ARHGAP10: variants seen among roughly 807,000 people sequenced by gnomAD.
The protein encoded by ARHGAP10 is Rho GTPase activating protein 10.
In ARHGAP10, 87 loss-of-function variants were observed where a neutral mutation model predicts 108.6. The ratio of observed to expected loss-of-function variants is 0.80; its 90% CI spans 0.67 to 0.96. The LOEUF (loss-of-function observed/expected upper bound fraction) is 0.96. Among genes scored for constraint, ARHGAP10 ranks in the 40% least tolerant of loss-of-function variants. The pLI is 0.00. For synonymous variants in ARHGAP10, 347 were observed against 341.1 expected (o/e 1.02, Z -0.19); for missense variants, 939 against 954.5 (o/e 0.98, Z 0.21).
At position 147,964,980 on chromosome 4, in the gene ARHGAP10, CTTTTTCTTTATT is replaced by C. The variant is rs1739149884; in HGVS notation, c.1451-31_1451-20del. ...TGAGTTCTCTATTAACTATTGTTTT[CTTTTTCTTTATT>C]TTTTTCTTTATTATTATTTTTTTTT... On this transcript the variant is annotated intron_variant, in intron 16 of 22. Transcript: ENST00000336498. 5.1e-6 allele frequency: 7 copies of C among 1,366,846 alleles called. No individual in the cohort carries two copies. The East Asian group carries it at 7.8e-5, about 15-fold the overall frequency. 84.7% of individuals were successfully genotyped at this position (1,366,846 alleles called of 1,614,324 possible).
At chr4:148,007,302 T>G (rs936843320) in intron 18 of ARHGAP10, among the ~76,000 whole-genome samples, 12 of 152,190 alleles carry the variant, frequency 7.9e-5, no homozygotes, top group African/African-American at 2.9e-4. Context: ...CTCCCTGAAA[T>G]GATCAGGGCA....
chr4:147,906,361 A>G (rs141149502), intron 10 of ARHGAP10, among the ~76,000 whole-genome samples: 90 of 152,338 alleles, frequency 5.9e-4, no homozygotes, highest in Non-Finnish European at 1.1e-3. Context: ...GCTTTTATGT[A>G]GCAATTGAAA....
chr4:148,059,281 G>C (rs368553177), intron 20 of ARHGAP10, among the ~76,000 whole-genome samples: 1 of 152,126 alleles, frequency 6.6e-6, no homozygotes, highest in Non-Finnish European at 1.5e-5. Context: ...GAGCTTTTTA[G>C]GAACAGTTGA....
intron 1 of ARHGAP10, among the ~76,000 whole-genome samples, chr4:147,733,645 G>T (rs10023419): frequency 3.9e-5 from 6 of 152,148 alleles, no homozygotes; most frequent in African/African-American, 1.4e-4. Flanking sequence ...TTCAGTAAGG[G>T]CGATTAAAAC....
At chr4:147,988,992 G>A (rs938325579) in intron 18 of ARHGAP10, among the ~76,000 whole-genome samples, 20 of 152,088 alleles carry the variant, frequency 1.3e-4, no homozygotes, top group African/African-American at 2.9e-4. Flanking sequence ...GCTCCTTATC[G>A]GGGACCTGCC....
At chr4:147,869,065 C>A (rs542827055) in intron 7 of ARHGAP10, among the ~76,000 whole-genome samples, 10 of 152,288 alleles carry the variant, frequency 6.6e-5, no homozygotes, top group African/African-American at 2.4e-4. Flanking sequence ...AACCTTCAGG[C>A]AGGACTGTAT....
In ARHGAP10 at chr4:147,875,024, C is replaced by G. The variant is rs142876032; in HGVS notation, c.706C>G (p.Arg236Gly). 1.2e-4 allele frequency: 187 copies of G among 1,580,428 alleles called. No individual in the cohort carries two copies. The highest frequency in any genetic ancestry group is 1.7e-4 in the Middle Eastern group (1 of 5,920). Residue 236 changes from arginine to glycine, a missense_variant, in exon 8 of 23, where the codon CGG (arginine) becomes GGG (glycine). Arg to Gly is a moderately radical substitution (Grantham distance 125). Transcript: ENST00000336498. ...TGTGTTTTTTAATCCATTTCAGACA[C>G]GGAATCGATTTGAAGGAACAAGGTC... ...MELQINIQNT[R>G]NRFEGTRSEV...
At chr4:147,735,706 G>A (rs1019615078) in intron 1 of ARHGAP10, among the ~76,000 whole-genome samples, 1 of 152,198 alleles carries the variant, frequency 6.6e-6, no homozygotes, top group East Asian at 1.9e-4. Flanking sequence ...GTTGGGGATA[G>A]CGCTAGGGGT....
intron 18 of ARHGAP10, among the ~76,000 whole-genome samples, chr4:148,010,087 T>C (rs2149653230): frequency 6.6e-6 from 1 of 152,328 alleles, no homozygotes; most frequent in South Asian, 2.1e-4. Context: ...TTTTTAGTTA[T>C]GTTTTCCATT....
At chr4:148,070,330 C>T (rs937296188) in intron 22 of ARHGAP10, among the ~76,000 whole-genome samples, 13 of 152,166 alleles carry the variant, frequency 8.5e-5, no homozygotes, top group African/African-American at 3.1e-4. Flanking sequence ...CAGGGAATAG[C>T]ATTCAGGCCC....
At chr4:147,881,268 CA>C (rs58379522) in intron 9 of ARHGAP10, among the ~76,000 whole-genome samples, 6,589 of 131,110 alleles carry the variant, frequency 0.05, 412 homozygotes, top group African/African-American at 0.16. Flanking sequence ...GCAAGACTGT[CA>C]AAAAAAAAAA....
At chr4:147,796,395 C>T (rs1032791429) in intron 1 of ARHGAP10, among the ~76,000 whole-genome samples, 2 of 151,990 alleles carry the variant, frequency 1.3e-5, no homozygotes, top group Non-Finnish European at 2.9e-5. Flanking sequence ...AAGGAGACAC[C>T]TGGGAGGTTG....
chr4:148,025,220 A>G (rs556974848), intron 19 of ARHGAP10, among the ~76,000 whole-genome samples: 54 of 152,192 alleles, frequency 3.5e-4, no homozygotes, highest in Non-Finnish European at 7.3e-5. Context: ...CGTTAAAATT[A>G]CTTGATTTTT....
chr4:147,989,366 G>A (rs1195469149), intron 18 of ARHGAP10, among the ~76,000 whole-genome samples: 1 of 152,132 alleles, frequency 6.6e-6, no homozygotes, highest in Non-Finnish European at 1.5e-5. Context: ...TCAGGAGACA[G>A]GGTTTTGAGA....
At chr4:147,759,002 G>A (rs1729489412) in intron 1 of ARHGAP10, among the ~76,000 whole-genome samples, 1 of 150,634 alleles carries the variant, frequency 6.6e-6, no homozygotes, top group African/African-American at 2.4e-5. Context: ...CCGAAAACAG[G>A]TGGTATATTT....
At chr4:147,952,836 G>T (rs1469735255) in intron 15 of ARHGAP10, among the ~76,000 whole-genome samples, 1 of 151,868 alleles carries the variant, frequency 6.6e-6, no homozygotes, top group Non-Finnish European at 1.5e-5. Flanking sequence ...CTTATTCAGG[G>T]TCACAAAGGT....
In ARHGAP10 at chr4:147,879,267, T is replaced by G; in HGVS notation, c.868T>G (p.Tyr290Asp). ...GTTTGGTTCCAGTTGGGTCAAACAC[T>G]ATTGCATGTATCGAAAAGCAGCAAA... ...APFGSSWVKHYCMYRKAAKKF... is the reference protein window; with the variant it reads ...APFGSSWVKHDCMYRKAAKKF... Residue 290 changes from tyrosine to aspartate, a missense_variant, in exon 9 of 23, where the codon TAT becomes GAT. By Grantham distance (160) the Tyr-to-Asp change is radical (BLOSUM62 -3). Coordinates refer to ENST00000336498, the MANE Select transcript of ARHGAP10 (RefSeq NM_024605.4). The G allele has an allele frequency of 1.2e-6, 2 of 1,614,152 alleles. No individual in the cohort carries two copies. Among genetic ancestry groups the G allele is most frequent in the Non-Finnish European group, 1.7e-6 (2 of 1,179,982 alleles).
intron 20 of ARHGAP10, among the ~76,000 whole-genome samples, chr4:148,047,320 C>A (rs980825784): frequency 6.6e-6 from 1 of 152,166 alleles, no homozygotes; most frequent in Non-Finnish European, 1.5e-5. Context: ...GATTCTGCAA[C>A]GGAAATTTGT....
chr4:148,064,674 A>C (rs1216759554), intron 22 of ARHGAP10, among the ~76,000 whole-genome samples, 167 bp downstream of exon 22: 1 of 152,166 alleles, frequency 6.6e-6, no homozygotes, highest in Non-Finnish European at 1.5e-5. Context: ...CCCCAATGCC[A>C]GGGGCCTGTT....
Sources: gnomAD v4.1 joint callset for allele counts (sites outside exome capture counted in the v4.1 genomes callset) on GRCh38, gnomAD v4.1.1 for gene constraint, MANE v1.5 for transcripts, NCBI Gene and HGNC (gene_info 2026-07-23, HGNC 2026-07-21) for gene names.